XRN1: variants seen among roughly 807,000 people sequenced by gnomAD.
The protein encoded by XRN1 is 5'-3' exoribonuclease 1.
Under a neutral mutation model 222.3 loss-of-function variants are expected in XRN1, and 67 were observed. The ratio of observed to expected loss-of-function variants is 0.30; its 90% confidence interval spans 0.25 to 0.37. XRN1 has a LOEUF of 0.37. Ranked by LOEUF, XRN1 falls within the 10% of genes least tolerant of loss-of-function variation. XRN1 has a pLI of 1.00. For synonymous variants in XRN1, 643 were observed against 652.4 expected (o/e 0.99, Z 0.22); for missense variants, 1,707 against 2,000.2 (o/e 0.85, Z 2.80).
At chr3:142,383,434 T>C in intron 21 of XRN1, 21 bp from the exon 22 acceptor site, 1 of 1,579,694 alleles carries the variant, frequency 6.3e-7, no homozygotes, top group Non-Finnish European at 8.7e-7. Context: ...TAAAAGTAAA[T>C]AATCTTAGTC....
At chr3:142,400,084 A>G (rs964412412) in intron 19 of XRN1, among the ~76,000 whole-genome samples, 2 of 152,226 alleles carry the variant, frequency 1.3e-5, no homozygotes, top group Non-Finnish European at 2.9e-5. Flanking sequence ...AATTTAAATG[A>G]AATCCAGATG....
intron 5 of XRN1, among the ~76,000 whole-genome samples, chr3:142,424,187 A>G (rs544556701): frequency 1.3e-5 from 2 of 152,086 alleles, no homozygotes; most frequent in South Asian, 4.2e-4. Context: ...TCCACCTCCC[A>G]GGTTCAAGCA....
intron 20 of XRN1, among the ~76,000 whole-genome samples, chr3:142,387,372 T>G (rs1189410103): frequency 6.6e-6 from 1 of 152,228 alleles, no homozygotes; most frequent in Non-Finnish European, 1.5e-5. Flanking sequence ...GGGACTTCCT[T>G]GGATTATGGT....
chr3:142,346,011 C>A (rs2066134304), intron 33 of XRN1, among the ~76,000 whole-genome samples: 1 of 152,140 alleles, frequency 6.6e-6, no homozygotes, highest in Admixed American at 6.6e-5. Context: ...CACTATATGA[C>A]TCAGTAATTT....
chr3:142,349,497 A>G (rs1386117280), intron 32 of XRN1, among the ~76,000 whole-genome samples: 1 of 151,982 alleles, frequency 6.6e-6, no homozygotes, highest in Non-Finnish European at 1.5e-5. Context: ...AGTAAAATAA[A>G]TAGTAAATAA....
At chr3:142,325,471 G>A (rs968546947) in intron 37 of XRN1, among the ~76,000 whole-genome samples, 12 of 151,724 alleles carry the variant, frequency 7.9e-5, no homozygotes, top group African/African-American at 2.9e-4. Context: ...TATACATGCA[G>A]GTTTGTTACA....
chr3:142,327,184 T>G (rs993944182), intron 37 of XRN1, among the ~76,000 whole-genome samples: 1 of 152,154 alleles, frequency 6.6e-6, no homozygotes, highest in Admixed American at 6.6e-5. Context: ...GAACTCTTAT[T>G]AGCTCTTCTT....
rs964149210 is a variant in XRN1 at position 142,308,627 on chromosome 3, G to A, written c.*2884C>T. 6.6e-6 allele frequency: 1 copy of A among 152,082 alleles called. No homozygotes were observed. Among genetic ancestry groups the A allele is most frequent in the African/African-American group, 2.4e-5 (1 of 41,414 alleles). 9.4% of individuals were successfully genotyped at this position (152,082 alleles called of 1,614,324 possible). A position where few individuals can be genotyped will look rare whatever the true frequency, so the allele number is the denominator to read the frequency against. ...AATTCTAACGCTGAGGTAATTATTA[G>A]GTAATGCAGGAAAATGTGAAAAGGA... On this transcript the variant is annotated 3_prime_UTR_variant, in exon 41 of 41. Coordinates refer to ENST00000392981, the MANE Select transcript of XRN1 (RefSeq NM_001282857.2).
At position 142,329,426 on chromosome 3, in the gene XRN1, T is replaced by C; in HGVS notation, c.4404+8A>G. ...AATTTATATAAATAGAACAGTAGTA[T>C]ACTATACCTGTGGCATCCTAAGAAA... On this transcript the variant is annotated splice_region_variant and intron_variant, in intron 37 of 40. Transcript: ENST00000392981. 3 of 1,541,890 alleles carry C rather than the reference T, an allele frequency of 1.9e-6. No individual in the cohort carries two copies. The highest frequency in any genetic ancestry group is 2.6e-6 in the Non-Finnish European group (3 of 1,150,428).
intron 32 of XRN1, among the ~76,000 whole-genome samples, chr3:142,350,212 T>C (rs1004006331): frequency 7.2e-5 from 11 of 152,228 alleles, no homozygotes; most frequent in Non-Finnish European, 1.2e-4. Context: ...AATACTATTT[T>C]GTGGCTGGAA....
chr3:142,335,542 G>A lies in XRN1; in HGVS notation c.3878-33C>T, dbSNP rs774945480. On this transcript the variant is annotated intron_variant, in intron 33 of 40. Transcript: ENST00000392981. ...CAAGAAAACAGAAATTTTCATAAAT[G>A]GAAGTGTTTACTGCACAATTAAAAC... 3.2e-6 allele frequency: 5 copies of A among 1,579,060 alleles called. No individual in the cohort carries two copies. In the South Asian group the frequency reaches 4.5e-5, roughly 14 times the overall value.
At chr3:142,377,854 T>G (rs924286006) in intron 23 of XRN1, among the ~76,000 whole-genome samples, 2 of 152,134 alleles carry the variant, frequency 1.3e-5, no homozygotes, top group Non-Finnish European at 2.9e-5. Context: ...TATTTAACCT[T>G]CACTGATTCC....
chr3:142,432,798 A>T lies in XRN1; in HGVS notation c.171T>A (p.Asp57Glu). 6.2e-7 allele frequency: 1 copy of T among 1,614,080 alleles called. No individual in the cohort carries two copies. The highest frequency in any genetic ancestry group is 1.7e-5 in the Admixed American group (1 of 60,030). ...GAAAAATATCAGTAAAGATTTTATCATCTGAAATTCTAAAGTGAACATCAT... is the reference window on the plus strand; with the variant it reads ...GAAAAATATCAGTAAAGATTTTATCTTCTGAAATTCTAAAGTGAACATCAT... ...NDDDVHFRISDDKIFTDIFHY... is the reference protein window; with the variant it reads ...NDDDVHFRISEDKIFTDIFHY... The change falls in exon 2 of 41, where the codon GAT becomes GAA. Residue 57 changes from aspartate (D) to glutamate (E), a missense_variant. Physicochemically the swap from Asp to Glu is conservative, Grantham distance 45 (BLOSUM62 2). Transcript: ENST00000392981.
chr3:142,341,998 G>C (rs1261284725), intron 33 of XRN1, among the ~76,000 whole-genome samples: 1 of 152,126 alleles, frequency 6.6e-6, no homozygotes, highest in Non-Finnish European at 1.5e-5. Context: ...GATACGTCAA[G>C]ATTCCACTTT....
chr3:142,432,545 G>A (rs886890963), intron 2 of XRN1, 116 bp downstream of exon 2: 6 of 960,532 alleles, frequency 6.2e-6, no homozygotes, highest in Middle Eastern at 3.4e-4. Context: ...CCATTTCTGG[G>A]GGAGTTTACG....
At chr3:142,349,009 G>C (rs781447116) in intron 32 of XRN1, among the ~76,000 whole-genome samples, 38 of 152,072 alleles carry the variant, frequency 2.5e-4, no homozygotes, top group Non-Finnish European at 4.9e-4. Flanking sequence ...CTGCAGTGCA[G>C]TGGGGTCATC....
intron 14 of XRN1, among the ~76,000 whole-genome samples, chr3:142,413,496 C>G (rs1465948002): frequency 2.0e-5 from 3 of 152,130 alleles, no homozygotes; most frequent in Non-Finnish European, 4.4e-5. Context: ...GTGTGTGTGT[C>G]TACTCCAATT....
At chr3:142,315,501 ATTTTCT>A (rs1220307098) in intron 39 of XRN1, among the ~76,000 whole-genome samples, 1 of 146,840 alleles carries the variant, frequency 6.8e-6, no homozygotes, top group Non-Finnish European at 1.5e-5. Context: ...ACTAAAAAAG[ATTTTCT>A]TTTTCTTTTT....
chr3:142,344,132 G>A (rs1029516862), intron 33 of XRN1, among the ~76,000 whole-genome samples: 4 of 151,920 alleles, frequency 2.6e-5, no homozygotes, highest in African/African-American at 4.8e-5. Context: ...TGGTTAGCAG[G>A]TACAAAAAAA....
Sources: gnomAD v4.1 joint callset for allele counts (sites outside exome capture counted in the v4.1 genomes callset) on GRCh38, gnomAD v4.1.1 for gene constraint, MANE v1.5 for transcripts, NCBI Gene and HGNC (gene_info 2026-07-23, HGNC 2026-07-21) for gene names.